Variants in SAMD5 observed in about 807,000 individuals in gnomAD.
The protein encoded by SAMD5 is sterile alpha motif domain containing 5, also known as sterile alpha motif domain-containing protein 5.
Under a neutral mutation model 11.3 loss-of-function variants are expected in SAMD5, and 13 were observed. The observed-to-expected ratio is 1.15, with a 90% CI of 0.75 to 1.83. The LOEUF is 1.83. Ranked by LOEUF, SAMD5 falls within the 40% of genes most tolerant of loss-of-function variation. The pLI is 0.00. For missense variants in SAMD5, 255 were observed against 239.1 expected, an observed-to-expected ratio of 1.07 and a Z score of -0.44; for synonymous variants, 129 against 111.3, an observed-to-expected ratio of 1.16 and a Z score of -1.00.
the SAMD5 span, among the ~76,000 whole-genome samples, chr6:147,815,917 A>G: frequency 6.6e-6 from 1 of 152,146 alleles, no homozygotes; most frequent in South Asian, 2.1e-4. Context: ...GATTAAAACA[A>G]AATGAGCCCC....
At position 147,669,213 on chromosome 6, in the gene SAMD5, G is replaced by A. The variant is rs140158831; in HGVS notation, c.163-68104G>A. The stretch of plus-strand genomic sequence containing the variant: ...TATTTCAGAATTGGAACCAATCCTC[G>A]TAAACTGTGCCACTATTTATCAACT... On this transcript the variant is annotated intron_variant, in intron 1 of 1. Transcript: ENST00000566741. 7.2e-5 allele frequency among the ~76,000 whole-genome samples: 11 copies of A among 152,196 alleles called. No homozygotes were observed. In the East Asian group the frequency reaches 1.5e-3, roughly 21 times the overall value.
intron 1 of SAMD5, among the ~76,000 whole-genome samples, chr6:147,623,876 T>G (rs1027348872): frequency 1.3e-5 from 2 of 152,166 alleles, no homozygotes; most frequent in Admixed American, 1.3e-4. Context: ...TTTTATTTTT[T>G]TATTTTTAAT....
chr6:147,906,248 G>T, the SAMD5 span, among the ~76,000 whole-genome samples: 9 of 151,884 alleles, frequency 5.9e-5, no homozygotes, highest in Non-Finnish European at 2.9e-5. Flanking sequence ...CTGCCTTTTG[G>T]TGACATTGGC....
At chr6:147,660,617 T>G (rs1391809319) in intron 1 of SAMD5, 1 of 152,204 alleles carries the variant, frequency 6.6e-6, no homozygotes, top group African/African-American at 2.4e-5. Flanking sequence ...AGGGCGGATC[T>G]CCCACCCTCG....
intron 1 of SAMD5, among the ~76,000 whole-genome samples, chr6:147,596,231 A>G (rs1383433017): frequency 6.6e-6 from 1 of 152,186 alleles, no homozygotes; most frequent in Non-Finnish European, 1.5e-5. Context: ...TCCATTTTTT[A>G]AAATGACTCC....
chr6:147,680,283 T>C (rs1790923174), intron 1 of SAMD5, among the ~76,000 whole-genome samples: 2 of 152,128 alleles, frequency 1.3e-5, no homozygotes, highest in South Asian at 4.1e-4. Context: ...TGGAATTACA[T>C]ATTTTGATGT....
At chr6:147,845,223 C>A in the SAMD5 span, among the ~76,000 whole-genome samples, 1 of 152,028 alleles carries the variant, frequency 6.6e-6, no homozygotes, top group Admixed American at 6.5e-5. Flanking sequence ...TTGAACCTTG[C>A]CATAAACCTC....
intron 1 of SAMD5, among the ~76,000 whole-genome samples, chr6:147,645,397 C>T (rs894679467): frequency 8.5e-5 from 13 of 152,090 alleles, no homozygotes; most frequent in East Asian, 7.7e-4. Context: ...TCTAAGCCCA[C>T]GCAATATAAT....
chr6:147,787,884 G>A, the SAMD5 span, among the ~76,000 whole-genome samples: 1,202 of 152,342 alleles, frequency 7.9e-3, 17 homozygotes, highest in Middle Eastern at 0.041. Flanking sequence ...TAGCTCCGTA[G>A]CGCCAAGGCT....
chr6:147,643,231 GT>G (rs1030717860), intron 1 of SAMD5, among the ~76,000 whole-genome samples: 2 of 152,056 alleles, frequency 1.3e-5, no homozygotes, highest in Admixed American at 6.6e-5. Context: ...ATTTATTTTT[GT>G]TTGTAGTTAA....
At chr6:147,912,060 C>T in the SAMD5 span, among the ~76,000 whole-genome samples, 1 of 152,132 alleles carries the variant, frequency 6.6e-6, no homozygotes, top group Non-Finnish European at 1.5e-5. Context: ...ACCTGATGCA[C>T]CGTTACTTCT....
At chr6:147,590,979 A>T (rs1470381781) in intron 1 of SAMD5, among the ~76,000 whole-genome samples, 1 of 152,142 alleles carries the variant, frequency 6.6e-6, no homozygotes, top group Non-Finnish European at 1.5e-5. Flanking sequence ...AATGAAATGA[A>T]CCTTATAACT....
At chr6:147,677,391 C>T (rs1314287541) in intron 1 of SAMD5, among the ~76,000 whole-genome samples, 1 of 152,054 alleles carries the variant, frequency 6.6e-6, no homozygotes, top group Non-Finnish European at 1.5e-5. Flanking sequence ...ACTGGGAAAG[C>T]AATGACTTGG....
intron 1 of SAMD5, among the ~76,000 whole-genome samples, chr6:147,540,222 C>T (rs980094861): frequency 3.9e-5 from 6 of 152,006 alleles, no homozygotes; most frequent in African/African-American, 9.7e-5. Context: ...AGTAAAAAAC[C>T]GGAAAGGAAT....
chr6:147,664,025 G>A (rs1790683691), intron 1 of SAMD5, among the ~76,000 whole-genome samples: 1 of 151,808 alleles, frequency 6.6e-6, no homozygotes, highest in East Asian at 1.9e-4. Flanking sequence ...GACTAGAGGA[G>A]TTCTTTGTTT....
the SAMD5 span, among the ~76,000 whole-genome samples, chr6:147,894,275 C>A: frequency 6.6e-6 from 1 of 152,084 alleles, no homozygotes. Context: ...AGGCGCACGC[C>A]ACCACACCCA....
chr6:147,681,540 T>C (rs1338773972), intron 1 of SAMD5, among the ~76,000 whole-genome samples: 2 of 152,190 alleles, frequency 1.3e-5, no homozygotes, highest in East Asian at 1.9e-4. Flanking sequence ...CGATTGATTA[T>C]TTTTACTCCT....
intron 1 of SAMD5, among the ~76,000 whole-genome samples, chr6:147,616,226 T>TCATATATATC (rs1562334328): frequency 2.3e-5 from 3 of 131,436 alleles, no homozygotes; most frequent in Admixed American, 7.4e-5. Context: ...CATATATATT[T>TCATATATATC]ATTCATATAT....
intron 1 of SAMD5, among the ~76,000 whole-genome samples, chr6:147,717,644 G>A (rs75815829): frequency 0.017 from 2,546 of 152,114 alleles, 31 homozygotes; most frequent in Middle Eastern, 0.041. Context: ...ACTGTCTTCC[G>A]CAAGACCAGC....
Sources: gnomAD v4.1 joint callset for allele counts (sites outside exome capture counted in the v4.1 genomes callset) on GRCh38, gnomAD v4.1.1 for gene constraint, MANE v1.5 for transcripts, NCBI Gene and HGNC (gene_info 2026-07-23, HGNC 2026-07-21) for gene names.